Variants in MIPEP observed in about 807,000 individuals in gnomAD.
The protein encoded by MIPEP is mitochondrial intermediate peptidase.
Under a neutral mutation model 90.3 loss-of-function variants are expected in MIPEP, and 79 were observed. The ratio of observed to expected loss-of-function variants is 0.87; its 90% CI spans 0.73 to 1.05. The LOEUF (loss-of-function observed/expected upper bound fraction) is 1.05, where lower values mean the gene tolerates loss of function less well. Ranked by LOEUF, MIPEP falls within the 50% of genes least tolerant of loss-of-function variation. The probability of loss-of-function intolerance (pLI) is 0.00; values close to 1 mark genes in which losing one functional copy is unlikely to be tolerated. For missense variants in MIPEP, 940 were observed against 905.6 expected, an observed-to-expected ratio of 1.04 and a Z score of -0.49; for synonymous variants, 334 against 315.8, an observed-to-expected ratio of 1.06 and a Z score of -0.61.
chr13:23,864,271 A>G, intron 7 of MIPEP, 82 bp from the exon 8 acceptor site: 1 of 960,298 alleles, frequency 1.0e-6, no homozygotes, highest in Non-Finnish European at 1.6e-6. Context: ...TGTGATGATC[A>G]TAATCTATAT....
intron 14 of MIPEP, among the ~76,000 whole-genome samples, chr13:23,810,744 T>C (rs1408254645): frequency 6.6e-6 from 1 of 152,208 alleles, no homozygotes. Context: ...AATGAGAACG[T>C]GGGCTGTCTG....
chr13:23,752,621 T>C (rs1199422262), intron 18 of MIPEP, among the ~76,000 whole-genome samples: 1 of 152,174 alleles, frequency 6.6e-6, no homozygotes, highest in Non-Finnish European at 1.5e-5. Context: ...AGAAATGTGA[T>C]TTAACATAAG....
At chr13:23,771,461 A>G (rs575100673) in intron 16 of MIPEP, among the ~76,000 whole-genome samples, 1 of 152,180 alleles carries the variant, frequency 6.6e-6, no homozygotes, top group East Asian at 1.9e-4. Flanking sequence ...TCTATAATTA[A>G]CCAGTTTCAA....
chr13:23,808,996 T>C (rs1432097669), intron 15 of MIPEP, among the ~76,000 whole-genome samples: 1 of 152,214 alleles, frequency 6.6e-6, no homozygotes, highest in Non-Finnish European at 1.5e-5. Flanking sequence ...TTAAGGTGTT[T>C]ACATAACTCT....
chr13:23,822,411 C>T (rs1222011036), intron 14 of MIPEP, among the ~76,000 whole-genome samples: 1 of 152,228 alleles, frequency 6.6e-6, no homozygotes, highest in African/African-American at 2.4e-5. Context: ...GTGGTTGCCT[C>T]ACATTGCCCC....
intron 9 of MIPEP, among the ~76,000 whole-genome samples, chr13:23,860,776 G>A (rs1022269769): frequency 6.6e-6 from 1 of 152,144 alleles, no homozygotes; most frequent in African/African-American, 2.4e-5. Flanking sequence ...AGACGGCTTC[G>A]AGTGGAGCAA....
At chr13:23,756,737 A>G in intron 17 of MIPEP, 119 bp from the exon 18 acceptor site, 1 of 900,784 alleles carries the variant, frequency 1.1e-6, no homozygotes, top group Non-Finnish European at 1.7e-6. Context: ...ACCATGTGAC[A>G]ATTTGGCCCC....
At chr13:23,789,774 C>T (rs1952882031) in intron 16 of MIPEP, among the ~76,000 whole-genome samples, 2 of 152,312 alleles carry the variant, frequency 1.3e-5, no homozygotes, top group South Asian at 2.1e-4. Flanking sequence ...CCTACGCCCT[C>T]GTGCTCTGCT....
rs533474420 is a variant in MIPEP, at chr13:23,792,112, G to A, written c.1848+13838C>T. Among the ~76,000 whole-genome samples, 40 of 151,406 alleles carry A rather than the reference G, an allele frequency of 2.6e-4. No individual in the cohort carries two copies. The South Asian group carries it at 5.9e-3, about 22-fold the overall frequency. ...TTTTTGGTTCCTCCTCACTGTCCCC[G>A]CCTCTAAATGTTGGAATGCCCCAAG... On this transcript the variant is annotated intron_variant, in intron 16 of 18. Coordinates refer to ENST00000382172, the MANE Select transcript of MIPEP (RefSeq NM_005932.4).
intron 16 of MIPEP, among the ~76,000 whole-genome samples, chr13:23,768,747 A>C (rs1307040440): frequency 1.3e-5 from 2 of 152,154 alleles, no homozygotes; most frequent in African/African-American, 4.8e-5. Context: ...AAACAAAACA[A>C]AACAAAAACC....
chr13:23,743,581 AATT>A (rs1398212635), intron 18 of MIPEP, among the ~76,000 whole-genome samples: 1 of 152,226 alleles, frequency 6.6e-6, no homozygotes, highest in Non-Finnish European at 1.5e-5. Flanking sequence ...GTCTCTCTAG[AATT>A]ATTAACTGAA....
Position 23,760,185 on chromosome 13 carries a change from C to T in MIPEP, c.1881G>A (p.Gly627=), listed in dbSNP as rs765234272. The T allele has an allele frequency of 2.3e-4, 374 of 1,613,958 alleles. 1 individual carries two copies. Among genetic ancestry groups the T allele is most frequent in the Admixed American group, 1.2e-4 (7 of 59,996 alleles). ...GGTAAGAGTAATATCTAGCACCATACCCCACGAGGTGGCTGAATCGCAGCT... is the reference window on the plus strand; with the variant it reads ...GGTAAGAGTAATATCTAGCACCATATCCCACGAGGTGGCTGAATCGCAGCT... ...AWQLRFSHLV[G]YGARYYSYLM... The change falls in exon 17 of 19, where the codon GGG becomes GGA. Residue 627 remains glycine, a synonymous_variant. Coordinates refer to ENST00000382172, the MANE Select transcript of MIPEP (RefSeq NM_005932.4).
At chr13:23,766,776 G>A (rs1271497988) in intron 16 of MIPEP, among the ~76,000 whole-genome samples, 1 of 152,212 alleles carries the variant, frequency 6.6e-6, no homozygotes, top group Non-Finnish European at 1.5e-5. Flanking sequence ...ACTCTCAGGA[G>A]GCCCCCATGA....
chr13:23,812,425 C>T lies in MIPEP; in HGVS notation c.1654-2501G>A, dbSNP rs1240010967. On this transcript the variant is annotated intron_variant, in intron 14 of 18. Transcript: ENST00000382172. ...GCCAGCAGAGGACAGGAAAGGAGGT[C>T]CCCATTGGAGAAGCCGGGAAGCTGA... Among the ~76,000 whole-genome samples, 4 of 152,020 alleles carry T rather than the reference C, an allele frequency of 2.6e-5. No individual in the cohort carries two copies. The South Asian group carries it at 8.4e-4, about 32-fold the overall frequency.
intron 12 of MIPEP, 146 bp from the exon 13 acceptor site, chr13:23,837,902 A>G: frequency 1.7e-6 from 1 of 585,358 alleles, no homozygotes; most frequent in Admixed American, 3.1e-5. Context: ...ATTTACATAT[A>G]TACACCTTTT....
rs1459180586 is a variant in MIPEP, at chr13:23,805,985, C to T, written c.1813G>A (p.Glu605Lys). Residue 605 changes from glutamate (E) to lysine (K), a missense_variant, in exon 16 of 19, where the codon GAG (glutamate) becomes AAG (lysine). Transcript: ENST00000382172. ...STTDILKETQ[E>K]KFYGLPYVPN... ...ACATATGGTAGGCCATAGAATTTCTCTTGTGTTTCCTTGAGAATGTCTGTG... is the reference window on the plus strand; with the variant it reads ...ACATATGGTAGGCCATAGAATTTCTTTTGTGTTTCCTTGAGAATGTCTGTG... The T allele has an allele frequency of 3.1e-6, 5 of 1,613,900 alleles. No individual in the cohort carries two copies. Among genetic ancestry groups the T allele is most frequent in the Non-Finnish European group, 4.2e-6 (5 of 1,179,942 alleles).
chr13:23,811,799 C>T (rs1386099912), intron 14 of MIPEP, among the ~76,000 whole-genome samples: 1 of 152,194 alleles, frequency 6.6e-6, no homozygotes, highest in Non-Finnish European at 1.5e-5. Context: ...AGTTTAGACA[C>T]TCCTGTGATT....
chr13:23,775,301 G>A (rs1249593465), intron 16 of MIPEP, among the ~76,000 whole-genome samples: 3 of 152,012 alleles, frequency 2.0e-5, no homozygotes, highest in Non-Finnish European at 4.4e-5. Flanking sequence ...TGAATAGAAG[G>A]GGCAATGGCA....
At chr13:23,847,217 G>A (rs1200373705) in intron 10 of MIPEP, among the ~76,000 whole-genome samples, 1 of 152,166 alleles carries the variant, frequency 6.6e-6, no homozygotes, top group East Asian at 1.9e-4. Context: ...TTCCCAAAAT[G>A]CTTTCAAGAG....
Sources: gnomAD v4.1 joint callset for allele counts (sites outside exome capture counted in the v4.1 genomes callset) on GRCh38, gnomAD v4.1.1 for gene constraint, MANE v1.5 for transcripts, NCBI Gene and HGNC (gene_info 2026-07-23, HGNC 2026-07-21) for gene names.